The following LMLN variants were observed in gnomAD, a reference collection of about 807,000 sequenced individuals.
The protein encoded by LMLN is leishmanolysin like peptidase.
A neutral mutation model predicts 92.3 loss-of-function variants in LMLN; 70 were observed. The ratio of observed to expected loss-of-function variants is 0.76; its 90% CI spans 0.63 to 0.92. The LOEUF (loss-of-function observed/expected upper bound fraction) is 0.92. LMLN is among the 40% of genes least tolerant of loss of function. The pLI, the probability that LMLN is intolerant of heterozygous loss-of-function variation, is 0.00. For synonymous variants in LMLN, 308 were observed against 296.2 expected (o/e 1.04, Z -0.41); for missense variants, 691 against 814.6 (o/e 0.85, Z 1.85).
At chr3:197,978,836 C>A (rs888808890) in intron 5 of LMLN, among the ~76,000 whole-genome samples, 4 of 152,004 alleles carry the variant, frequency 2.6e-5, no homozygotes, top group Admixed American at 2.0e-4. Flanking sequence ...ACTAAAGATA[C>A]AAAAGTTAGC....
chr3:198,013,683 C>T lies in LMLN; in HGVS notation c.1233-5570C>T, dbSNP rs1407291692. ...GCCCCCTAACTAGTCTGACTTCTCT[C>T]CACCCTTCAGAGCCCCCTAACTAGT... On this transcript the variant is annotated intron_variant, in intron 11 of 15. Coordinates refer to ENST00000330198, the Ensembl canonical transcript of LMLN. Among the ~76,000 whole-genome samples, 4 of 119,056 alleles carry T rather than the reference C, an allele frequency of 3.4e-5. No homozygotes were observed. The South Asian group carries it at 1.1e-3, about 32-fold the overall frequency. The allele number at this position is 119,056 out of a possible 152,430, so 78.1% of individuals were successfully genotyped here. A position where few individuals can be genotyped will look rare whatever the true frequency, so the allele number is the denominator to read the frequency against.
At position 198,042,867 on chromosome 3, in the gene LMLN, G is replaced by A. The variant is rs1397057752; in HGVS notation, c.*4200G>A. The A allele has an allele frequency of 6.6e-6, 1 of 152,128 alleles. No homozygotes were observed. Among genetic ancestry groups the A allele is most frequent in the African/African-American group, 2.4e-5 (1 of 41,408 alleles). The allele number at this position is 152,128 out of a possible 1,614,324, so 9.4% of individuals were successfully genotyped here. On this transcript the variant is annotated 3_prime_UTR_variant, in exon 16 of 16. Coordinates refer to ENST00000330198, the Ensembl canonical transcript of LMLN. This position sits in a 1 kb window ranked among gnomAD's most constrained non-coding sequence, Gnocchi z 4.2. The stretch of plus-strand genomic sequence containing the variant: ...TTTAAAGAAACTGGCAAACAGGTAG[G>A]TTGTCCTCATATAGATCCTTCCAGT...
chr3:197,976,906 C>T (rs2109859313), intron 5 of LMLN, among the ~76,000 whole-genome samples, 191 bp downstream of exon 5: 1 of 152,346 alleles, frequency 6.6e-6, no homozygotes, highest in Non-Finnish European at 1.5e-5. Flanking sequence ...TCTTTCTTCA[C>T]TCCTCCCCAC....
intron 14 of LMLN, 35 bp downstream of exon 15, chr3:198,024,823 T>C: frequency 6.5e-7 from 1 of 1,535,202 alleles, no homozygotes; most frequent in Non-Finnish European, 8.8e-7. Flanking sequence ...GTGCCAAATA[T>C]TATGTGATTT....
rs139558830 is a variant in LMLN at position 197,970,919 on chromosome 3, A to G, written c.220-3458A>G. Reference sequence around the variant, plus strand: ...TTTTGTGTTATTTCCATTCCCACGAATAACTTCTTTTAGCATTTCCTGTAG... The same window carrying G: ...TTTTGTGTTATTTCCATTCCCACGAGTAACTTCTTTTAGCATTTCCTGTAG... On this transcript the variant is annotated intron_variant, in intron 1 of 15. Coordinates refer to ENST00000330198, the Ensembl canonical transcript of LMLN. Among the ~76,000 whole-genome samples the G allele has an allele frequency of 2.6e-5, 4 of 152,336 alleles. No homozygotes were observed. In the East Asian group the frequency reaches 7.7e-4, roughly 29 times the overall value.
At chr3:197,973,689 C>T (rs1188807809) in intron 1 of LMLN, among the ~76,000 whole-genome samples, 1 of 152,162 alleles carries the variant, frequency 6.6e-6, no homozygotes, top group Admixed American at 6.5e-5. Context: ...GTGACTGTTA[C>T]TATGTTATAT....
chr3:198,018,523 G>A (rs935118246), intron 11 of LMLN, among the ~76,000 whole-genome samples: 3 of 152,192 alleles, frequency 2.0e-5, no homozygotes, highest in Non-Finnish European at 4.4e-5. Flanking sequence ...GCTGAAGACT[G>A]TGGCAAGTAT....
intron 5 of LMLN, among the ~76,000 whole-genome samples, chr3:197,979,065 G>A (rs974403739): frequency 6.6e-6 from 1 of 152,148 alleles, no homozygotes; most frequent in African/African-American, 2.4e-5. Flanking sequence ...CATAGTCACT[G>A]TGCTTTACAA....
At chr3:198,012,589 C>G (rs1242002921) in intron 11 of LMLN, among the ~76,000 whole-genome samples, 1 of 151,814 alleles carries the variant, frequency 6.6e-6, no homozygotes, top group African/African-American at 2.4e-5. Flanking sequence ...TTCAGAGCCT[C>G]CTAACGAGTC....
At chr3:197,994,665 C>CA (rs1253367274) in intron 9 of LMLN, 2 of 152,076 alleles carry the variant, frequency 1.3e-5, no homozygotes, top group African/African-American at 4.8e-5. Flanking sequence ...AGCATGGCCC[C>CA]AGTGCAAGGA....
chr3:198,034,774 T>C (rs533116439), intron 14 of LMLN, among the ~76,000 whole-genome samples: 3 of 152,360 alleles, frequency 2.0e-5, no homozygotes, highest in African/African-American at 7.2e-5. Flanking sequence ...ATAAAATTCC[T>C]GTGACTGAGC....
intron 14 of LMLN, among the ~76,000 whole-genome samples, chr3:198,027,698 A>G (rs911433577): frequency 2.6e-5 from 4 of 152,172 alleles, no homozygotes; most frequent in African/African-American, 9.7e-5. Flanking sequence ...AGTATTCCTT[A>G]CGGTGTTCCT....
intron 6 of LMLN, 26 bp downstream of exon 6, chr3:197,980,530 T>G (rs199644264): frequency 5.3e-5 from 85 of 1,597,682 alleles, no homozygotes; most frequent in Non-Finnish European, 4.8e-5. Context: ...GGACTTAGTT[T>G]CCAAGATCTA....
chr3:198,033,806 C>T (rs1009262819), intron 14 of LMLN, among the ~76,000 whole-genome samples: 2 of 152,204 alleles, frequency 1.3e-5, no homozygotes, highest in Non-Finnish European at 2.9e-5. Flanking sequence ...CCAAGCACGG[C>T]GCTTGATCAA....
rs1053974808 is a variant in LMLN, at chr3:198,025,911, A to T, written c.1656+1123A>T. Among the ~76,000 whole-genome samples, 1 of 152,160 alleles carries T rather than the reference A, an allele frequency of 6.6e-6. No individual in the cohort carries two copies. The highest frequency in any genetic ancestry group is 1.5e-5 in the Non-Finnish European group (1 of 68,018). ...TAGAACTGGAAATTTAACTCTTATC[A>T]TTAGTTACTTATCAAATTAACGTTT... On this transcript the variant is annotated intron_variant, in intron 14 of 15. Coordinates refer to ENST00000330198, the Ensembl canonical transcript of LMLN. This position sits in a 1 kb window ranked among gnomAD's most constrained non-coding sequence, Gnocchi z 4.3.
At chr3:197,983,460 G>A (rs1721613588) in intron 6 of LMLN, among the ~76,000 whole-genome samples, 1 of 152,176 alleles carries the variant, frequency 6.6e-6, no homozygotes, top group Non-Finnish European at 1.5e-5. Context: ...AAATATTTAT[G>A]TGAATGTAGG....
intron 9 of LMLN, among the ~76,000 whole-genome samples, chr3:197,992,496 C>T (rs1336252376): frequency 1.3e-5 from 2 of 152,124 alleles, no homozygotes; most frequent in African/African-American, 4.8e-5. Context: ...TCATGAGAGA[C>T]TGTTATAAAC....
At chr3:198,034,038 C>G (rs975955725) in intron 14 of LMLN, among the ~76,000 whole-genome samples, 5 of 152,234 alleles carry the variant, frequency 3.3e-5, no homozygotes, top group Admixed American at 3.3e-4. Context: ...GTTTAATAGT[C>G]ACCTAAGGAA....
At chr3:198,015,496 T>G (rs1300008384) in intron 11 of LMLN, among the ~76,000 whole-genome samples, 1 of 145,390 alleles carries the variant, frequency 6.9e-6, no homozygotes, top group Non-Finnish European at 1.5e-5. Flanking sequence ...CTGACTTCTC[T>G]CCACCCCTCA....
Sources: gnomAD v4.1 joint callset for allele counts (sites outside exome capture counted in the v4.1 genomes callset) on GRCh38, gnomAD v4.1.1 for gene constraint, Gnocchi (gnomAD v3.1) non-coding constraint, MANE v1.5 for transcripts, NCBI Gene and HGNC (gene_info 2026-07-23, HGNC 2026-07-21) for gene names.